The following ADAMTSL1 variants were observed in gnomAD, a reference collection of about 807,000 sequenced individuals.
The protein encoded by ADAMTSL1 is ADAMTS-like protein 1.
In ADAMTSL1, 126 loss-of-function variants were observed where a neutral mutation model predicts 201.8. The ratio of observed to expected loss-of-function variants is 0.62; its 90% CI spans 0.54 to 0.72. The LOEUF is 0.72. ADAMTSL1 is among the 30% of genes least tolerant of loss of function. ADAMTSL1 has a pLI of 0.00. For missense variants in ADAMTSL1, 2,679 were observed against 2,277.8 expected (o/e 1.18, Z -3.59); for synonymous variants, 1,121 against 903.4 (o/e 1.24, Z -4.32).
chr9:18,747,703 G>A (rs1419651662), intron 15 of ADAMTSL1, among the ~76,000 whole-genome samples: 1 of 152,170 alleles, frequency 6.6e-6, no homozygotes, highest in Non-Finnish European at 1.5e-5. Flanking sequence ...TGTTATTGGT[G>A]ACCATGTGTG....
intron 20 of ADAMTSL1, among the ~76,000 whole-genome samples, chr9:18,815,012 A>G (rs976696842): frequency 2.6e-5 from 4 of 152,190 alleles, no homozygotes; most frequent in Non-Finnish European, 5.9e-5. Flanking sequence ...ATGTGATATC[A>G]CCTTACCTCT....
rs1824554044 is a variant in ADAMTSL1, at chr9:18,826,286, G to C, written c.3937G>C (p.Val1313Leu). ...TTGTTTTTTTTTTTTCTTCCTAGGA[G>C]TGCCTGAAGCTGAAGTCACTTGGTT... ...NVTINCQVAGVPEAEVTWFRN... is the reference protein window; with the variant it reads ...NVTINCQVAGLPEAEVTWFRN... Residue 1313 changes from valine (V) to leucine (L), a missense_variant and splice_region_variant, in exon 22 of 29, where the codon GTG becomes CTG. Transcript: ENST00000380548. The C allele has an allele frequency of 6.2e-7, 1 of 1,609,342 alleles. No homozygotes were observed. Among genetic ancestry groups the C allele is most frequent in the South Asian group, 1.1e-5 (1 of 90,330 alleles).
At chr9:18,075,018 T>C (rs1297407506) in intron 1 of ADAMTSL1, among the ~76,000 whole-genome samples, 2 of 152,154 alleles carry the variant, frequency 1.3e-5, no homozygotes, top group Non-Finnish European at 1.5e-5. Flanking sequence ...TTTCCTTCTT[T>C]CCTGCCTTCC....
chr9:18,222,907 T>C (rs1351954277), intron 2 of ADAMTSL1, among the ~76,000 whole-genome samples: 2 of 152,062 alleles, frequency 1.3e-5, no homozygotes, highest in African/African-American at 4.8e-5. Flanking sequence ...CTTATGTGGC[T>C]ATTGAAAATA....
chr9:18,152,870 C>T (rs765595980), intron 1 of ADAMTSL1, among the ~76,000 whole-genome samples: 6 of 152,020 alleles, frequency 3.9e-5, no homozygotes, highest in Admixed American at 1.3e-4. Context: ...ATTCTCACTT[C>T]TCCCCTTCTT....
chr9:18,332,994 T>A (rs1466240981), intron 2 of ADAMTSL1, among the ~76,000 whole-genome samples: 2 of 152,214 alleles, frequency 1.3e-5, no homozygotes. Context: ...CAACCATTGT[T>A]GGCACCTAGC....
At chr9:18,666,950 CTTT>C (rs35220169) in intron 9 of ADAMTSL1, among the ~76,000 whole-genome samples, 11 of 128,950 alleles carry the variant, frequency 8.5e-5, no homozygotes, top group Admixed American at 7.9e-5. Context: ...TGCAGATTTT[CTTT>C]TTTTTTTTTT....
At chr9:18,303,032 C>CT (rs1206885065) in intron 2 of ADAMTSL1, among the ~76,000 whole-genome samples, 1 of 152,170 alleles carries the variant, frequency 6.6e-6, no homozygotes, top group Non-Finnish European at 1.5e-5. Flanking sequence ...GAAACTCACG[C>CT]TTTTTTCTTT....
chr9:18,785,614 A>G (rs994088526), intron 19 of ADAMTSL1, among the ~76,000 whole-genome samples: 9 of 152,196 alleles, frequency 5.9e-5, no homozygotes, highest in Admixed American at 3.9e-4. Context: ...CATTCTATAT[A>G]AACACTGAGC....
chr9:17,985,364 CATT>C (rs1385147745), intron 1 of ADAMTSL1, among the ~76,000 whole-genome samples: 1 of 152,010 alleles, frequency 6.6e-6, no homozygotes, highest in African/African-American at 2.4e-5. Flanking sequence ...AAAACATTAA[CATT>C]AGATATCTAG....
chr9:18,882,134 C>T (rs1828571945), intron 23 of ADAMTSL1, among the ~76,000 whole-genome samples: 1 of 152,188 alleles, frequency 6.6e-6, no homozygotes, highest in Non-Finnish European at 1.5e-5. Context: ...GGGGCTGCTA[C>T]CACTCCTTTT....
chr9:18,398,540 C>A (rs889097461), intron 2 of ADAMTSL1, among the ~76,000 whole-genome samples: 1 of 152,156 alleles, frequency 6.6e-6, no homozygotes, highest in East Asian at 1.9e-4. Flanking sequence ...CTTGAAAGGC[C>A]CTGGGATAAG....
At position 17,968,412 on chromosome 9, in the gene ADAMTSL1, A is replaced by G. The variant is rs568877518; in HGVS notation, c.87+61490A>G. 2.6e-5 allele frequency among the ~76,000 whole-genome samples: 4 copies of G among 152,248 alleles called. 1 individual carries two copies. Among genetic ancestry groups the G allele is most frequent in the African/African-American group, 7.2e-5 (3 of 41,570 alleles). The stretch of plus-strand genomic sequence containing the variant: ...CTATTTCATATTGCTTACTCATGCT[A>G]TAGAGAAGTGATTTCCCAATTATCT... On this transcript the variant is annotated intron_variant, in intron 1 of 29. Transcript: ENST00000680146.
At chr9:18,361,227 C>T (rs559756894) in intron 2 of ADAMTSL1, among the ~76,000 whole-genome samples, 10 of 151,590 alleles carry the variant, frequency 6.6e-5, no homozygotes, top group South Asian at 6.3e-4. Flanking sequence ...GTGTATTTTT[C>T]GATTATAAGG....
chr9:18,656,216 C>T (rs1349075558), intron 7 of ADAMTSL1, among the ~76,000 whole-genome samples: 5 of 151,654 alleles, frequency 3.3e-5, no homozygotes, highest in Non-Finnish European at 7.4e-5. Context: ...TTCTTATTTT[C>T]CCCCTGCATC....
At chr9:18,087,897 C>A (rs1017872008) in intron 1 of ADAMTSL1, among the ~76,000 whole-genome samples, 3 of 152,116 alleles carry the variant, frequency 2.0e-5, no homozygotes, top group African/African-American at 7.2e-5. Context: ...AGTTGCCTAT[C>A]TCAGGAATTT....
chr9:18,137,643 AAAAC>A (rs1826216973), intron 1 of ADAMTSL1, among the ~76,000 whole-genome samples: 2 of 152,204 alleles, frequency 1.3e-5, no homozygotes, highest in African/African-American at 4.8e-5. Flanking sequence ...GGAGAAAACT[AAAAC>A]AATGTATAAA....
intron 16 of ADAMTSL1, among the ~76,000 whole-genome samples, chr9:18,766,263 G>A (rs1820357573): frequency 6.6e-6 from 1 of 152,166 alleles, no homozygotes; most frequent in South Asian, 2.1e-4. Context: ...TTCCACCAGG[G>A]CAGGAACCAG....
intron 1 of ADAMTSL1, among the ~76,000 whole-genome samples, chr9:17,966,501 G>A (rs1817983354): frequency 6.6e-6 from 1 of 152,030 alleles, no homozygotes; most frequent in Non-Finnish European, 1.5e-5. Flanking sequence ...GCCCTTTATA[G>A]TAACTTTTTT....
Sources: gnomAD v4.1 joint callset for allele counts (sites outside exome capture counted in the v4.1 genomes callset) on GRCh38, gnomAD v4.1.1 for gene constraint, MANE v1.5 for transcripts, NCBI Gene and HGNC (gene_info 2026-07-23, HGNC 2026-07-21) for gene names.